The following EXOC2 variants were observed in gnomAD, a reference collection of about 807,000 sequenced individuals.
The protein encoded by EXOC2 is SEC5-like 1.
In EXOC2, 70 loss-of-function variants were observed where a neutral mutation model predicts 131.8. The ratio of observed to expected loss-of-function variants is 0.53; its 90% CI spans 0.44 to 0.65. The LOEUF is 0.65. Ranked by LOEUF, EXOC2 falls within the 30% of genes least tolerant of loss-of-function variation. The pLI, the probability that EXOC2 is intolerant of heterozygous loss-of-function variation, is 0.00. For missense variants in EXOC2, 923 were observed against 1,108.6 expected (o/e 0.83, Z 2.38); for synonymous variants, 411 against 398.4 (o/e 1.03, Z -0.38).
intron 22 of EXOC2, among the ~76,000 whole-genome samples, chr6:543,643 G>C (rs544225487): frequency 2.0e-5 from 3 of 152,230 alleles, no homozygotes; most frequent in South Asian, 4.1e-4. Context: ...GTATGCTTAG[G>C]TTGAACATCA....
chr6:513,308 G>A (rs1764961589), intron 23 of EXOC2, among the ~76,000 whole-genome samples: 1 of 152,256 alleles, frequency 6.6e-6, no homozygotes, highest in East Asian at 1.9e-4. Flanking sequence ...GTGTCCACGA[G>A]CAGCACAGCC....
At chr6:507,735 A>C (rs1194313558) in intron 23 of EXOC2, among the ~76,000 whole-genome samples, 11 of 152,162 alleles carry the variant, frequency 7.2e-5, no homozygotes, top group Non-Finnish European at 1.5e-4. Context: ...AAATCAGTTA[A>C]TCTGAGCTTC....
intron 11 of EXOC2, among the ~76,000 whole-genome samples, chr6:578,314 C>T (rs535984217): frequency 2.0e-5 from 3 of 152,260 alleles, no homozygotes; most frequent in South Asian, 2.1e-4. Context: ...TGAGCTCCCT[C>T]CCGCATGTGA....
intron 11 of EXOC2, among the ~76,000 whole-genome samples, chr6:587,330 C>T (rs548869363): frequency 1.6e-3 from 246 of 151,970 alleles, no homozygotes; most frequent in African/African-American, 5.6e-3. Flanking sequence ...GTGCAAGCTC[C>T]GCCTCCCAGG....
intron 23 of EXOC2, among the ~76,000 whole-genome samples, chr6:502,364 T>C (rs1764267389): frequency 6.6e-6 from 1 of 152,108 alleles, no homozygotes; most frequent in South Asian, 2.1e-4. Flanking sequence ...CTTTTGAAAT[T>C]CCTCAATGTA....
chr6:565,222 A>C (rs1757910099), intron 13 of EXOC2, among the ~76,000 whole-genome samples: 2 of 152,270 alleles, frequency 1.3e-5, no homozygotes, highest in Non-Finnish European at 2.9e-5. Flanking sequence ...CATTTTCACC[A>C]ACGATGTCGT....
chr6:688,675 CCTA>C (rs1210862508), intron 1 of EXOC2, among the ~76,000 whole-genome samples: 1 of 152,178 alleles, frequency 6.6e-6, no homozygotes, highest in East Asian at 1.9e-4. Flanking sequence ...TCCAGACAGC[CCTA>C]CTTTCTCCTT....
Position 617,698 on chromosome 6 carries a change from A to C in EXOC2, c.661+13T>G. ...CGGAAGCTGCCAGCAGATGGCTCTG[A>C]GGATCGCCTTACCTGAGAGGGCATC... On this transcript the variant is annotated intron_variant, in intron 6 of 27. Coordinates refer to ENST00000230449, the MANE Select transcript of EXOC2 (RefSeq NM_018303.6). 6.2e-7 allele frequency: 1 copy of C among 1,609,252 alleles called. No individual in the cohort carries two copies. Among genetic ancestry groups the C allele is most frequent in the Non-Finnish European group, 8.5e-7 (1 of 1,177,560 alleles).
rs897185415 is a variant in EXOC2, at chr6:485,261, A to C, written c.*1410T>G. On this transcript the variant is annotated 3_prime_UTR_variant, in exon 28 of 28. Transcript: ENST00000230449. ...CTTAGCTCACAGTTGAGTTAGATAC[A>C]ACAGTTAACATACTTAGGAAAGACA... 6.6e-6 allele frequency: 1 copy of C among 152,232 alleles called. No homozygotes were observed. The highest frequency in any genetic ancestry group is 1.5e-5 in the Non-Finnish European group (1 of 68,040). The allele number at this position is 152,232 out of a possible 1,614,324, so 9.4% of individuals were successfully genotyped here.
At chr6:591,522 C>A (rs940629364) in intron 11 of EXOC2, among the ~76,000 whole-genome samples, 4 of 152,118 alleles carry the variant, frequency 2.6e-5, no homozygotes, top group African/African-American at 9.7e-5. Context: ...ATGTCACTCC[C>A]TTCAGCTCTC....
At chr6:555,402 T>A (rs957589736) in intron 19 of EXOC2, 114 bp from the exon 20 acceptor site, 12 of 554,212 alleles carry the variant, frequency 2.2e-5, no homozygotes, top group Middle Eastern at 7.6e-4. Flanking sequence ...TCATTAGTGG[T>A]GTGGTGTTGT....
chr6:625,250 A>C (rs1287041918), intron 4 of EXOC2, among the ~76,000 whole-genome samples: 1 of 152,256 alleles, frequency 6.6e-6, no homozygotes, highest in Non-Finnish European at 1.5e-5. Context: ...TGACCCATGC[A>C]GCATGCAAAT....
chr6:564,042 T>C lies in EXOC2; in HGVS notation c.1780A>G (p.Thr594Ala). The change falls in exon 16 of 28, where the codon ACG becomes GCG. Residue 594 changes from threonine (T) to alanine (A), a missense_variant. Coordinates refer to ENST00000230449, the MANE Select transcript of EXOC2 (RefSeq NM_018303.6). ...ATTTATCAAAACACACCTTCCGCCG[T>C]GTGCTGCAACGTGGCCATTACGCAA... Reference protein sequence around the residue: ...VRCVMATLQHTAEEIKRLAEK... With the variant: ...VRCVMATLQHAAEEIKRLAEK... 6.2e-7 allele frequency: 1 copy of C among 1,614,022 alleles called. No homozygotes were observed. The highest frequency in any genetic ancestry group is 1.1e-5 in the South Asian group (1 of 91,060).
chr6:526,543 C>A (rs763498096), intron 23 of EXOC2, among the ~76,000 whole-genome samples: 7 of 148,718 alleles, frequency 4.7e-5, no homozygotes, highest in Non-Finnish European at 1.0e-4. Flanking sequence ...TGGGTTCAAG[C>A]GATTCTCCTG....
At chr6:619,066 C>T (rs1481825788) in intron 5 of EXOC2, among the ~76,000 whole-genome samples, 1 of 152,166 alleles carries the variant, frequency 6.6e-6, no homozygotes, top group East Asian at 1.9e-4. Context: ...GCAGTGTGTT[C>T]CATGTTTTAC....
chr6:537,667 C>A (rs1766549576), intron 22 of EXOC2, among the ~76,000 whole-genome samples: 1 of 152,166 alleles, frequency 6.6e-6, no homozygotes, highest in South Asian at 2.1e-4. Flanking sequence ...ACAACTTTAT[C>A]CATAAAGGCC....
chr6:685,919 G>T (rs1764628759), intron 1 of EXOC2, among the ~76,000 whole-genome samples: 1 of 134,922 alleles, frequency 7.4e-6, no homozygotes, highest in African/African-American at 2.8e-5. Context: ...TCTGTCGCCA[G>T]GTTGGACTGA....
At chr6:691,288 T>C (rs1355146010) in intron 1 of EXOC2, among the ~76,000 whole-genome samples, 1 of 152,196 alleles carries the variant, frequency 6.6e-6, no homozygotes, top group East Asian at 1.9e-4. Context: ...TTAAGCAACA[T>C]GGGTTTGAAT....
chr6:610,021 G>T, intron 7 of EXOC2, 77 bp downstream of exon 7: 1 of 1,279,524 alleles, frequency 7.8e-7, no homozygotes, highest in Non-Finnish European at 1.1e-6. Context: ...CTTGTCCCGC[G>T]ATATCAGGTC....
Sources: gnomAD v4.1 joint callset for allele counts (sites outside exome capture counted in the v4.1 genomes callset) on GRCh38, gnomAD v4.1.1 for gene constraint, MANE v1.5 for transcripts, NCBI Gene and HGNC (gene_info 2026-07-23, HGNC 2026-07-21) for gene names.